The following GRIK1 variants were observed in gnomAD, a reference collection of about 807,000 sequenced individuals.
GRIK1 encodes the protein glutamate receptor ionotropic, kainate 1.
Under a neutral mutation model 105.7 loss-of-function variants are expected in GRIK1, and 69 were observed. That is an observed-to-expected ratio of 0.65 (90% CI 0.54 to 0.80). The LOEUF is 0.80. Among genes scored for constraint, GRIK1 ranks in the 30% least tolerant of loss-of-function variants. The probability of loss-of-function intolerance (pLI) is 0.00; values close to 1 mark genes in which losing one functional copy is unlikely to be tolerated. For missense variants in GRIK1, 1,109 were observed against 1,167.3 expected, an observed-to-expected ratio of 0.95 and a Z score of 0.73; for synonymous variants, 438 against 431.3, an observed-to-expected ratio of 1.02 and a Z score of -0.19.
chr21:29,904,604 G>A (rs1012949220), intron 1 of GRIK1, among the ~76,000 whole-genome samples: 2 of 152,122 alleles, frequency 1.3e-5, no homozygotes, highest in East Asian at 1.9e-4. Context: ...CTTTCATGGG[G>A]TTGCAATGAT....
At chr21:29,676,581 G>A (rs1271241504) in intron 3 of GRIK1, among the ~76,000 whole-genome samples, 2 of 152,114 alleles carry the variant, frequency 1.3e-5, no homozygotes, top group East Asian at 1.9e-4. Flanking sequence ...ATCCTCTCTC[G>A]TGTGGATGCC....
In GRIK1 at chr21:29,577,051, G is replaced by T; in HGVS notation, c.2043C>A (p.Ser681=). The change falls in exon 14 of 18, where the codon TCC becomes TCA. Residue 681 remains serine, a synonymous_variant. Coordinates refer to ENST00000327783, the MANE Select transcript of GRIK1 (RefSeq NM_001330994.2). ...CCAGATCATCTGCCGAATCTATGGG[G>T]GATTCCATTCTCTCTACTGTCAAGA... is the stretch of plus-strand genomic sequence containing the variant. ...AAFLTVERME[S]PIDSADDLAK... is the part of the protein sequence containing the mutation. The T allele has an allele frequency of 6.2e-7, 1 of 1,613,316 alleles. No homozygotes were observed.
At chr21:29,577,470 T>A (rs563246307) in intron 13 of GRIK1, among the ~76,000 whole-genome samples, 1 of 152,346 alleles carries the variant, frequency 6.6e-6, no homozygotes, top group East Asian at 1.9e-4. Flanking sequence ...TTGCTTAGAA[T>A]TGAAAAGTCA....
intron 1 of GRIK1, among the ~76,000 whole-genome samples, chr21:29,755,360 A>C (rs1011017538): frequency 2.6e-5 from 4 of 152,256 alleles, no homozygotes; most frequent in African/African-American, 9.6e-5. Flanking sequence ...TGAGAACATC[A>C]GCATCAACAT....
chr21:29,774,446 C>CTTTTTTTTTTTTTTT (rs34378438), intron 1 of GRIK1, among the ~76,000 whole-genome samples: 1 of 102,432 alleles, frequency 9.8e-6, no homozygotes, highest in Non-Finnish European at 2.0e-5. Flanking sequence ...TTATTTTGCT[C>CTTTTTTTTTTTTTTT]TTTTTTTTTT....
intron 1 of GRIK1, among the ~76,000 whole-genome samples, chr21:29,853,484 T>C (rs1429326029): frequency 6.6e-6 from 1 of 152,250 alleles, no homozygotes; most frequent in African/African-American, 2.4e-5. Flanking sequence ...AGTACTCAGA[T>C]ATCTCTTGGG....
At chr21:29,655,216 C>T (rs1259033971) in intron 4 of GRIK1, among the ~76,000 whole-genome samples, 1 of 152,218 alleles carries the variant, frequency 6.6e-6, no homozygotes, top group East Asian at 1.9e-4. Context: ...CGAGACCAGC[C>T]TGACCATCAT....
At chr21:29,590,195 C>A (rs2061312860) in intron 10 of GRIK1, among the ~76,000 whole-genome samples, 1 of 152,042 alleles carries the variant, frequency 6.6e-6, no homozygotes, top group Non-Finnish European at 1.5e-5. Flanking sequence ...AGTAGAGAAC[C>A]CTGTGTTTTC....
chr21:29,558,399 T>C (rs113976649), intron 15 of GRIK1, among the ~76,000 whole-genome samples: 91 of 119,538 alleles, frequency 7.6e-4, no homozygotes, highest in African/African-American at 3.3e-3. Context: ...CACACACACA[T>C]ATCTTCCTGA....
chr21:29,708,906 A>G (rs112037089), intron 1 of GRIK1, among the ~76,000 whole-genome samples: 1 of 152,194 alleles, frequency 6.6e-6, no homozygotes, highest in Non-Finnish European at 1.5e-5. Flanking sequence ...CATAATTGAT[A>G]AATATAATTG....
At chr21:29,660,084 C>T (rs1167909043) in intron 4 of GRIK1, among the ~76,000 whole-genome samples, 1 of 152,192 alleles carries the variant, frequency 6.6e-6, no homozygotes, top group Non-Finnish European at 1.5e-5. Context: ...TATCCTGGGA[C>T]ACAGTCATTG....
intron 1 of GRIK1, among the ~76,000 whole-genome samples, chr21:29,820,217 T>C (rs1337723993): frequency 6.6e-6 from 1 of 152,094 alleles, no homozygotes; most frequent in African/African-American, 2.4e-5. Context: ...ACTCTCACTG[T>C]TTCCATTTTT....
chr21:29,589,978 ATT>A (rs1229102592), intron 10 of GRIK1, among the ~76,000 whole-genome samples: 1 of 152,060 alleles, frequency 6.6e-6, no homozygotes, highest in Non-Finnish European at 1.5e-5. Flanking sequence ...ACATCTGGTC[ATT>A]CTCTGCTTAT....
chr21:29,727,485 G>A (rs191978614), intron 1 of GRIK1, among the ~76,000 whole-genome samples: 1 of 152,242 alleles, frequency 6.6e-6, no homozygotes, highest in African/African-American at 2.4e-5. Context: ...TATCCTATGA[G>A]GTTCATATGG....
intron 1 of GRIK1, among the ~76,000 whole-genome samples, chr21:29,933,344 C>T (rs1411125404): frequency 2.0e-5 from 3 of 152,024 alleles, no homozygotes; most frequent in Admixed American, 1.3e-4. Flanking sequence ...TGTTACTGGC[C>T]CATGTTGCCT....
chr21:29,660,115 C>T (rs1205661625), intron 4 of GRIK1, among the ~76,000 whole-genome samples: 1 of 152,146 alleles, frequency 6.6e-6, no homozygotes, highest in Non-Finnish European at 1.5e-5. Context: ...GCAGTGATCC[C>T]ACATTGGTCC....
At chr21:29,540,493 G>GC (rs2089951468) in intron 16 of GRIK1, among the ~76,000 whole-genome samples, 1 of 152,134 alleles carries the variant, frequency 6.6e-6, no homozygotes, top group South Asian at 2.1e-4. Context: ...GCCTCTCCCA[G>GC]CCATGAGCTT....
chr21:29,676,581 G>C (rs1271241504), intron 3 of GRIK1, among the ~76,000 whole-genome samples: 3 of 152,114 alleles, frequency 2.0e-5, no homozygotes, highest in Non-Finnish European at 4.4e-5. Flanking sequence ...ATCCTCTCTC[G>C]TGTGGATGCC....
chr21:29,598,845 CTCTT>C lies in GRIK1; in HGVS notation c.1187_1190del (p.Lys396ArgfsTer33). The C allele has an allele frequency of 6.8e-7, 1 of 1,472,658 alleles. No homozygotes were observed. Among genetic ancestry groups the C allele is most frequent in the Non-Finnish European group, 9.5e-7 (1 of 1,057,908 alleles). The allele number at this position is 1,472,658 out of a possible 1,614,324, so 91.2% of individuals were successfully genotyped here. On this transcript the variant is annotated frameshift_variant, in exon 8 of 18. Coordinates refer to ENST00000327783, the MANE Select transcript of GRIK1 (RefSeq NM_001330994.2). LOFTEE classifies it high-confidence loss of function. ...AGGAGGTTACCTTTTCAGTTCCTTC[CTCTT>C]TGAGACTAATAATGTCCAGATCAAA...
Sources: allele counts gnomAD v4.1 joint callset (sites outside exome capture counted in the v4.1 genomes callset), GRCh38; gene constraint gnomAD v4.1.1; transcripts MANE v1.5; gene names NCBI Gene and HGNC (gene_info 2026-07-23, HGNC 2026-07-21).